The following CUL5 variants were observed in gnomAD, a reference collection of about 807,000 sequenced individuals.
CUL5 encodes cullin-5.
CUL5 carries 26 observed loss-of-function variants against 108.8 expected under a neutral mutation model. The observed-to-expected ratio is 0.24, with a 90% CI of 0.18 to 0.33. CUL5 has a LOEUF of 0.33. Ranked by LOEUF, CUL5 falls within the 10% of genes least tolerant of loss-of-function variation. The pLI, the probability that CUL5 is intolerant of heterozygous loss-of-function variation, is 1.00. For synonymous variants in CUL5, 334 were observed against 298.0 expected (o/e 1.12, Z -1.25); for missense variants, 524 against 909.2 (o/e 0.58, Z 5.45).
chr11:108,051,593 C>A (rs1863222890), intron 4 of CUL5, among the ~76,000 whole-genome samples: 1 of 152,218 alleles, frequency 6.6e-6, no homozygotes, highest in African/African-American at 2.4e-5. Context: ...TCTCCTACAT[C>A]TGACCAAGTT....
At chr11:108,060,891 C>T (rs1413644067) in intron 7 of CUL5, among the ~76,000 whole-genome samples, 1 of 151,864 alleles carries the variant, frequency 6.6e-6, no homozygotes, top group Non-Finnish European at 1.5e-5. Context: ...TTTCATTTTC[C>T]AGACCTATGA....
At chr11:108,041,745 C>G (rs1862922643) in intron 2 of CUL5, among the ~76,000 whole-genome samples, 1 of 152,090 alleles carries the variant, frequency 6.6e-6, no homozygotes, top group African/African-American at 2.4e-5. Flanking sequence ...CACCTGCCAT[C>G]AAGCCTGGCT....
intron 1 of CUL5, among the ~76,000 whole-genome samples, chr11:108,026,951 T>C (rs1364556559): frequency 7.0e-6 from 1 of 142,366 alleles, no homozygotes; most frequent in Non-Finnish European, 1.5e-5. Flanking sequence ...ATCACGCCAC[T>C]GCACTCCAGC....
chr11:108,043,693 T>C (rs568456950), intron 2 of CUL5, among the ~76,000 whole-genome samples: 1 of 152,288 alleles, frequency 6.6e-6, no homozygotes, highest in Admixed American at 6.5e-5. Context: ...AAGGATAAAA[T>C]AGTAGTACTT....
chr11:108,040,410 G>A (rs1288743393), intron 2 of CUL5, among the ~76,000 whole-genome samples: 3 of 152,098 alleles, frequency 2.0e-5, no homozygotes, highest in African/African-American at 7.2e-5. Flanking sequence ...TCAGGAGTTC[G>A]ATACCACCCT....
At chr11:108,054,422 C>T (rs1863321310) in intron 5 of CUL5, among the ~76,000 whole-genome samples, 2 of 152,142 alleles carry the variant, frequency 1.3e-5, no homozygotes, top group South Asian at 2.1e-4. Context: ...CTTACCTATG[C>T]AAAAATAGTC....
chr11:108,083,852 T>C (rs777132097), intron 11 of CUL5, among the ~76,000 whole-genome samples: 2 of 152,168 alleles, frequency 1.3e-5, no homozygotes, highest in Non-Finnish European at 2.9e-5. Context: ...GTGTGGCTAT[T>C]GGAGGTGTGG....
intron 1 of CUL5, among the ~76,000 whole-genome samples, chr11:108,022,633 G>A (rs142485715): frequency 2.2e-4 from 34 of 152,168 alleles, no homozygotes; most frequent in African/African-American, 7.7e-4. Flanking sequence ...ATTAACACAG[G>A]ACCCAAACGC....
chr11:108,081,242 C>G (rs543297556), intron 11 of CUL5, among the ~76,000 whole-genome samples: 2 of 151,620 alleles, frequency 1.3e-5, no homozygotes, highest in Non-Finnish European at 2.9e-5. Flanking sequence ...GAGCCGAGAT[C>G]GTGCCATTAC....
chr11:108,027,711 G>A (rs1194696995), intron 1 of CUL5, among the ~76,000 whole-genome samples: 1 of 152,000 alleles, frequency 6.6e-6, no homozygotes, highest in Non-Finnish European at 1.5e-5. Context: ...CTGGCTCCTC[G>A]TTTCTCTTAA....
intron 1 of CUL5, among the ~76,000 whole-genome samples, chr11:108,033,150 C>A (rs559929582): frequency 6.6e-6 from 1 of 152,282 alleles, no homozygotes; most frequent in South Asian, 2.1e-4. Flanking sequence ...TAGGAGAGTT[C>A]CAAATGCGAG....
rs61324649 is a variant in CUL5, at chr11:108,066,343, CA to C, written c.781-3743del. Among the ~76,000 whole-genome samples the C allele has an allele frequency of 2.7e-3, 387 of 144,810 alleles. 4 individuals carry two copies. The highest frequency in any genetic ancestry group is 3.5e-3 in the Middle Eastern group (1 of 286). ...TGGGCGACAGAGCGAGACTCTGTCT[CA>C]AAAAAAAAACCAGAGTATCATTATT... On this transcript the variant is annotated intron_variant, in intron 7 of 18. Coordinates refer to ENST00000393094, the MANE Select transcript of CUL5 (RefSeq NM_003478.6).
chr11:108,102,279 T>C (rs1329036764), intron 18 of CUL5, among the ~76,000 whole-genome samples: 1 of 151,980 alleles, frequency 6.6e-6, no homozygotes, highest in Admixed American at 6.6e-5. Flanking sequence ...CCGCTCCCCT[T>C]GGCCTCCTAA....
chr11:108,036,757 G>C (rs1040659928), intron 2 of CUL5, among the ~76,000 whole-genome samples: 1 of 152,224 alleles, frequency 6.6e-6, no homozygotes, highest in Non-Finnish European at 1.5e-5. Flanking sequence ...GGGATTACAG[G>C]CGTGAGCCAC....
chr11:108,042,770 T>G (rs1172727025), intron 2 of CUL5, among the ~76,000 whole-genome samples: 2 of 152,040 alleles, frequency 1.3e-5, no homozygotes, highest in African/African-American at 4.8e-5. Flanking sequence ...GTTTCTTTTT[T>G]TTTCTTTTTT....
rs61420788 is a variant in CUL5, at chr11:108,029,856, T to C, written c.25-3946T>C. Among the ~76,000 whole-genome samples the C allele has an allele frequency of 1.5e-3, 224 of 152,324 alleles. 3 individuals are homozygous for C. In the East Asian group the frequency reaches 0.027, roughly 18 times the overall value. On this transcript the variant is annotated intron_variant, in intron 1 of 18. Coordinates refer to ENST00000393094, the MANE Select transcript of CUL5 (RefSeq NM_003478.6). ...GTGTTTAATTTATCTCCAGTACCTG[T>C]CTACTCTGGTACTCTGCACCTTTTA...
In CUL5 at chr11:108,103,357, C is replaced by CAAGACCA. The variant is rs139733447; in HGVS notation, c.2149-831_2149-825dup. Among the ~76,000 whole-genome samples the CAAGACCA allele has an allele frequency of 2.5e-3, 375 of 151,146 alleles. 2 individuals are homozygous for CAAGACCA. Among genetic ancestry groups the CAAGACCA allele is most frequent in the African/African-American group, 8.4e-3 (347 of 41,172 alleles). On this transcript the variant is annotated intron_variant, in intron 18 of 18. Coordinates refer to ENST00000393094, the MANE Select transcript of CUL5 (RefSeq NM_003478.6). ...AGGGGAGTATTTGAGTCTGGGGGTT[C>CAAGACCA]AAGACCAACCTGGACAACATAGCAA... is the stretch of plus-strand genomic sequence containing the variant.
Position 108,088,519 on chromosome 11 carries a change from T to C in CUL5, c.1179-8T>C, listed in dbSNP as rs748710112. 1.1e-5 allele frequency: 17 copies of C among 1,579,976 alleles called. No individual in the cohort carries two copies. The highest frequency in any genetic ancestry group is 1.5e-5 in the Non-Finnish European group (17 of 1,170,116). The stretch of plus-strand genomic sequence containing the variant: ...TTTTCCATCAACTGCTTTTAATTTG[T>C]TTTTTAGGGTGGGATTAAAAACTCA... On this transcript the variant is annotated splice_region_variant and splice_polypyrimidine_tract_variant and intron_variant, in intron 11 of 18. Coordinates refer to ENST00000393094, the MANE Select transcript of CUL5 (RefSeq NM_003478.6).
intron 1 of CUL5, among the ~76,000 whole-genome samples, chr11:108,015,571 T>G (rs1268361872): frequency 6.6e-6 from 1 of 152,216 alleles, no homozygotes; most frequent in African/African-American, 2.4e-5. Flanking sequence ...TTCAGTGTAC[T>G]GTCCTAGAGA....
Sources: gnomAD v4.1 joint callset for allele counts (sites outside exome capture counted in the v4.1 genomes callset) on GRCh38, gnomAD v4.1.1 for gene constraint, MANE v1.5 for transcripts, NCBI Gene and HGNC (gene_info 2026-07-23, HGNC 2026-07-21) for gene names.